Variants in USP48 observed in about 807,000 individuals in gnomAD.
USP48 encodes ubiquitin carboxyl-terminal hydrolase 48.
Under a neutral mutation model 150.7 loss-of-function variants are expected in USP48, and 43 were observed. That is an observed-to-expected ratio of 0.29 (90% CI 0.22 to 0.37). USP48 has a LOEUF of 0.37. USP48 is among the 10% of genes least tolerant of loss of function. The pLI, the probability that USP48 is intolerant of heterozygous loss-of-function variation, is 1.00. For synonymous variants in USP48, 396 were observed against 425.9 expected (o/e 0.93, Z 0.86); for missense variants, 813 against 1,249.6 (o/e 0.65, Z 5.27).
Position 21,737,898 on chromosome 1 carries a change from A to AAT in USP48, c.992-1275_992-1274dup, listed in dbSNP as rs561443027. Among the ~76,000 whole-genome samples, 575 of 151,058 alleles carry AAT rather than the reference A, an allele frequency of 3.8e-3. 3 individuals carry two copies. The highest frequency in any genetic ancestry group is 0.013 in the African/African-American group (539 of 40,598). On this transcript the variant is annotated intron_variant, in intron 8 of 26. Transcript: ENST00000308271. ...ACAAATCTTTGCACAGATCTTTGACAATTTTTTTTTTTTTCCCTGAGACGG... is the reference window on the plus strand; with the variant it reads ...ACAAATCTTTGCACAGATCTTTGACAATATTTTTTTTTTTTTCCCTGAGACGG...
At position 21,736,615 on chromosome 1, in the gene USP48, G is replaced by A. The variant is rs149150343; in HGVS notation, c.1002C>T (p.Tyr334=). ...TGAGGACTGCGCTGAGTTCATACAC[G>A]TAGGACCCACCTGGAGAGAAAGGGA... ...EPYVEHKGGS[Y]VYELSAVLIH... is the part of the protein sequence containing the mutation. Residue 334 remains tyrosine, a synonymous_variant, in exon 9 of 27, where the codon TAC becomes TAT. Coordinates refer to ENST00000308271, the MANE Select transcript of USP48 (RefSeq NM_032236.8). The A allele has an allele frequency of 2.4e-4, 341 of 1,436,302 alleles. No individual in the cohort carries two copies. In the African/African-American group the frequency reaches 2.6e-3, roughly 11 times the overall value. 89.0% of individuals were successfully genotyped at this position (1,436,302 alleles called of 1,614,324 possible).
chr1:21,741,464 T>C (rs747597129), intron 8 of USP48, among the ~76,000 whole-genome samples: 41 of 152,126 alleles, frequency 2.7e-4, no homozygotes, highest in Admixed American at 1.6e-3. Context: ...AAGGACAAAA[T>C]AGACACTTTC....
chr1:21,716,452 G>A (rs1467382639), intron 14 of USP48, among the ~76,000 whole-genome samples: 1 of 152,188 alleles, frequency 6.6e-6, no homozygotes, highest in Non-Finnish European at 1.5e-5. Flanking sequence ...ATATCATCAT[G>A]CTACTCAGAA....
intron 15 of USP48, among the ~76,000 whole-genome samples, chr1:21,714,100 AT>A (rs2097697882): frequency 6.6e-6 from 1 of 152,336 alleles, no homozygotes; most frequent in South Asian, 2.1e-4. Flanking sequence ...AGAATGAGAC[AT>A]CATCCACTGG....
chr1:21,730,617 C>A (rs2097754362), intron 9 of USP48, among the ~76,000 whole-genome samples: 1 of 151,386 alleles, frequency 6.6e-6, no homozygotes, highest in East Asian at 2.0e-4. Flanking sequence ...TCGCTTGAAC[C>A]CAGGAGGCAG....
intron 1 of USP48, among the ~76,000 whole-genome samples, chr1:21,766,894 G>A (rs1232573014): frequency 3.3e-5 from 5 of 151,982 alleles, no homozygotes; most frequent in African/African-American, 4.8e-5. Context: ...GCAAAACCCC[G>A]TCTCTACTAC....
chr1:21,720,428 C>T (rs867695992), intron 14 of USP48, among the ~76,000 whole-genome samples: 1 of 152,128 alleles, frequency 6.6e-6, no homozygotes, highest in Non-Finnish European at 1.5e-5. Context: ...CTTTTATTTG[C>T]TCTGAGCTAC....
intron 1 of USP48, among the ~76,000 whole-genome samples, chr1:21,760,842 C>CCCAG (rs1186520199): frequency 3.9e-4 from 59 of 152,282 alleles, no homozygotes; most frequent in Admixed American, 3.9e-3. Flanking sequence ...CGCCTGTAAT[C>CCCAG]CCAGCACTTT....
chr1:21,706,637 C>T (rs532171992), intron 16 of USP48, 48 bp from the exon 17 acceptor site: 2 of 1,613,472 alleles, frequency 1.2e-6, no homozygotes, highest in Admixed American at 3.3e-5. Context: ...CAGCACATGA[C>T]CTGCCTCCTC....
intron 1 of USP48, among the ~76,000 whole-genome samples, chr1:21,780,974 TC>T (rs1219284691): frequency 1.8e-4 from 27 of 150,848 alleles, no homozygotes; most frequent in South Asian, 4.2e-4. Flanking sequence ...ACTCCTGACC[TC>T]GTGATCCGCC....
chr1:21,753,620 A>T (rs1043920219), intron 3 of USP48, among the ~76,000 whole-genome samples: 7 of 151,848 alleles, frequency 4.6e-5, no homozygotes, highest in Non-Finnish European at 8.8e-5. Context: ...TGAGGTCAGG[A>T]GTTCAAGACC....
At chr1:21,707,714 T>C (rs2097676878) in intron 15 of USP48, among the ~76,000 whole-genome samples, 1 of 152,232 alleles carries the variant, frequency 6.6e-6, no homozygotes, top group African/African-American at 2.4e-5. Context: ...ATATGTTTGT[T>C]TCTGCACCCA....
chr1:21,779,595 C>T (rs1421908339), intron 1 of USP48, among the ~76,000 whole-genome samples: 3 of 151,682 alleles, frequency 2.0e-5, no homozygotes, highest in Non-Finnish European at 4.4e-5. Flanking sequence ...CCACACAACC[C>T]AACAATCCCA....
At chr1:21,753,355 A>G (rs2097821790) in intron 3 of USP48, among the ~76,000 whole-genome samples, 1 of 150,434 alleles carries the variant, frequency 6.6e-6, no homozygotes, top group South Asian at 2.1e-4. Context: ...AGCTTGAGAC[A>G]AGCCTGGCCA....
chr1:21,769,903 A>G (rs1029829059), intron 1 of USP48, among the ~76,000 whole-genome samples: 3 of 152,134 alleles, frequency 2.0e-5, no homozygotes, highest in Admixed American at 2.0e-4. Context: ...AAAAAAGGAC[A>G]CTAAAATATA....
At chr1:21,775,263 G>T (rs149587562) in intron 1 of USP48, among the ~76,000 whole-genome samples, 2 of 151,656 alleles carry the variant, frequency 1.3e-5, no homozygotes, top group Non-Finnish European at 1.5e-5. Context: ...ATTTTGTTTG[G>T]TTGGTTGGTT....
intron 26 of USP48, among the ~76,000 whole-genome samples, chr1:21,680,416 C>A (rs2097562760): frequency 6.6e-6 from 1 of 152,200 alleles, no homozygotes; most frequent in Non-Finnish European, 1.5e-5. Flanking sequence ...TAAAACCTGA[C>A]AAATTCTTGT....
chr1:21,782,097 T>C (rs1415642956), intron 1 of USP48: 2 of 152,158 alleles, frequency 1.3e-5, no homozygotes, highest in African/African-American at 4.8e-5. Flanking sequence ...GCCAAGTCAA[T>C]TTCAACAACA....
At chr1:21,781,473 A>G (rs1170331755) in intron 1 of USP48, among the ~76,000 whole-genome samples, 2 of 151,242 alleles carry the variant, frequency 1.3e-5, no homozygotes, top group East Asian at 3.9e-4. Flanking sequence ...TTGGCCCAGC[A>G]TGGTGGCTCA....
Sources: allele counts gnomAD v4.1 joint callset (sites outside exome capture counted in the v4.1 genomes callset), GRCh38; gene constraint gnomAD v4.1.1; transcripts MANE v1.5; gene names NCBI Gene and HGNC (gene_info 2026-07-23, HGNC 2026-07-21).